The following SMUG1 variants were observed in gnomAD, a reference collection of about 807,000 sequenced individuals.
SMUG1 encodes single-strand selective monofunctional uracil DNA glycosylase.
In SMUG1, 13 loss-of-function variants were observed where a neutral mutation model predicts 23.9. That is an observed-to-expected ratio of 0.54 (90% CI 0.35 to 0.86). The LOEUF (loss-of-function observed/expected upper bound fraction) is 0.86. Ranked by LOEUF, SMUG1 falls within the 40% of genes least tolerant of loss-of-function variation. The pLI, the probability that SMUG1 is intolerant of heterozygous loss-of-function variation, is 0.01. For missense variants in SMUG1, 313 were observed against 339.5 expected, an observed-to-expected ratio of 0.92 and a Z score of 0.61; for synonymous variants, 133 against 139.8, an observed-to-expected ratio of 0.95 and a Z score of 0.34.
At chr12:54,187,333 A>C (rs1001037452) in intron 2 of SMUG1, 2 of 152,220 alleles carry the variant, frequency 1.3e-5, no homozygotes, top group African/African-American at 4.8e-5. Flanking sequence ...CAGAGGCCCA[A>C]CTTAGGAAGT....
chr12:54,181,366 A>G lies in SMUG1; in HGVS notation c.*730T>C, dbSNP rs1235803272. On this transcript the variant is annotated 3_prime_UTR_variant, in exon 4 of 4. Transcript: ENST00000682136. ...AAGAAAACAAGAAGACTATGTAATG[A>G]GCACCCACATGCCAAGCCCATGCAA... is the stretch of plus-strand genomic sequence containing the variant. 4 of 609,152 alleles carry G rather than the reference A, an allele frequency of 6.6e-6. No individual in the cohort carries two copies. Among genetic ancestry groups the G allele is most frequent in the Non-Finnish European group, 1.2e-5 (4 of 345,200 alleles). 37.7% of individuals were successfully genotyped at this position (609,152 alleles called of 1,614,324 possible).
downstream of SMUG1, among the ~76,000 whole-genome samples, chr12:54,159,875 T>C (rs112479626): frequency 4.7e-3 from 712 of 152,340 alleles, 9 homozygotes; most frequent in Middle Eastern, 0.02. Context: ...GTGTTTTGCA[T>C]ACTTGCACTG....
downstream of SMUG1, among the ~76,000 whole-genome samples, chr12:54,176,678 G>GTCACA (rs1565805817): frequency 6.6e-6 from 1 of 150,846 alleles, no homozygotes; most frequent in Non-Finnish European, 1.5e-5. Flanking sequence ...GTGGTAGCGG[G>GTCACA]CGCCTGTAGT....
At chr12:54,179,360 A>G (rs1463901111), downstream of SMUG1, among the ~76,000 whole-genome samples, 1 of 152,074 alleles carries the variant, frequency 6.6e-6, no homozygotes, top group Non-Finnish European at 1.5e-5. Context: ...AAGTTATCCA[A>G]AACTTTCCCA....
chr12:54,182,287 G>A lies in SMUG1; in HGVS notation c.622C>T (p.Arg208Trp), dbSNP rs201387067. 61 of 1,612,120 alleles carry A rather than the reference G, an allele frequency of 3.8e-5. No homozygotes were observed. The highest frequency in any genetic ancestry group is 4.8e-5 in the Non-Finnish European group (57 of 1,178,988). Residue 208 changes from arginine to tryptophan, a missense_variant, in exon 4 of 4, where the codon CGG becomes TGG. Physicochemically the swap from Arg to Trp is moderately radical, Grantham distance 101 (BLOSUM62 -3). Coordinates refer to ENST00000682136, the MANE Select transcript of SMUG1 (RefSeq NM_001243787.2). ...LCRQVQLLGV[R>W]LVVGVGRLAE... ...AGTCGCCCAACTCCCACCACCAGCC[G>A]CACCCCCAGCAGCTGCACCTGCCGG... is the stretch of plus-strand genomic sequence containing the variant.
At chr12:54,165,090 A>G (rs1940403386) in intron 4 of SMUG1, 1 of 152,060 alleles carries the variant, frequency 6.6e-6, no homozygotes, top group African/African-American at 2.4e-5. Flanking sequence ...TTCCCTTGCC[A>G]AGCTCTTTCT....
downstream of SMUG1, among the ~76,000 whole-genome samples, chr12:54,160,616 C>T (rs1373416384): frequency 6.6e-6 from 1 of 152,216 alleles, no homozygotes; most frequent in Non-Finnish European, 1.5e-5. Flanking sequence ...CTCCATCCAC[C>T]ACCTCTCCTT....
downstream of SMUG1, among the ~76,000 whole-genome samples, chr12:54,164,096 G>A (rs1310126736): frequency 1.3e-5 from 2 of 152,116 alleles, no homozygotes; most frequent in African/African-American, 4.8e-5. Flanking sequence ...AGGAATGCAA[G>A]AGCAAGACAG....
chr12:54,167,845 C>T (rs1054861765), intron 3 of SMUG1, among the ~76,000 whole-genome samples: 1 of 152,214 alleles, frequency 6.6e-6, no homozygotes, highest in African/African-American at 2.4e-5. Context: ...CTCCATCCTC[C>T]TCTAAAGCCA....
At chr12:54,166,061 G>T (rs1940451335) in intron 3 of SMUG1, among the ~76,000 whole-genome samples, 1 of 152,202 alleles carries the variant, frequency 6.6e-6, no homozygotes, top group Non-Finnish European at 1.5e-5. Context: ...GAGCAGTGAG[G>T]AATATAAAAG....
rs775286829 is a variant in SMUG1, at chr12:54,183,960, C to T, written c.-19-1G>A. ...GGGCATATGTCCATGCCGCTGTCAC[C>T]TGGGAAAAGAGATGGACAGAAGCCC... On this transcript the variant is annotated splice_acceptor_variant, in intron 2 of 3. Coordinates refer to ENST00000682136, the MANE Select transcript of SMUG1 (RefSeq NM_001243787.2). LOFTEE classifies it low-confidence loss of function (5UTR_SPLICE). The T allele has an allele frequency of 2.0e-6, 3 of 1,503,654 alleles. No individual in the cohort carries two copies. Among genetic ancestry groups the T allele is most frequent in the Non-Finnish European group, 2.7e-6 (3 of 1,128,626 alleles). The allele number at this position is 1,503,654 out of a possible 1,614,324, so 93.1% of individuals were successfully genotyped here.
chr12:54,182,097 C>A lies in SMUG1; in HGVS notation c.812G>T (p.Ter271LeuextTer45). ...TCCCATGCAAGGCCCCAAGGGCACT[C>A]ATTTCAACAGCAGTGGCAGCAGCCC... ...ELGLLPLLLK[*>L] The change falls in exon 4 of 4, where the codon TGA becomes TTA. Residue 271 changes from the stop codon to leucine (L), a stop_lost. Coordinates refer to ENST00000682136, the MANE Select transcript of SMUG1 (RefSeq NM_001243787.2). 1.3e-6 allele frequency: 2 copies of A among 1,535,834 alleles called. No homozygotes were observed. Among genetic ancestry groups the A allele is most frequent in the South Asian group, 1.3e-5 (1 of 77,756 alleles).
chr12:54,181,825 A>G lies in SMUG1; in HGVS notation c.*271T>C. 1.4e-6 allele frequency: 2 copies of G among 1,424,954 alleles called. No individual in the cohort carries two copies. Among genetic ancestry groups the G allele is most frequent in the Non-Finnish European group, 1.8e-6 (2 of 1,095,040 alleles). 88.3% of individuals were successfully genotyped at this position (1,424,954 alleles called of 1,614,324 possible). ...TAGAGCAGTCTGCAAGTGCAAAAGCACACCTTCTGCAGATTCCCTACAAAG... is the reference window on the plus strand; with the variant it reads ...TAGAGCAGTCTGCAAGTGCAAAAGCGCACCTTCTGCAGATTCCCTACAAAG... On this transcript the variant is annotated 3_prime_UTR_variant, in exon 4 of 4. Coordinates refer to ENST00000682136, the MANE Select transcript of SMUG1 (RefSeq NM_001243787.2).
At chr12:54,177,331 C>T (rs1289079932), downstream of SMUG1, among the ~76,000 whole-genome samples, 2 of 152,224 alleles carry the variant, frequency 1.3e-5, no homozygotes, top group East Asian at 1.9e-4. Flanking sequence ...CCGGTTAATT[C>T]GGATTCACTG....
chr12:54,167,657 A>G (rs2136537421), intron 3 of SMUG1, among the ~76,000 whole-genome samples: 1 of 152,264 alleles, frequency 6.6e-6, no homozygotes, highest in East Asian at 1.9e-4. Flanking sequence ...AGCCCTCCTT[A>G]ATGCAGAACC....
At chr12:54,170,358 G>A (rs1940584823) in intron 3 of SMUG1, among the ~76,000 whole-genome samples, 1 of 152,136 alleles carries the variant, frequency 6.6e-6, no homozygotes, top group Admixed American at 6.5e-5. Flanking sequence ...GTCCCTGTAG[G>A]TTCTTGAGCA....
intron 3 of SMUG1, among the ~76,000 whole-genome samples, chr12:54,168,770 G>T (rs951660711): frequency 6.6e-6 from 1 of 152,096 alleles, no homozygotes; most frequent in Non-Finnish European, 1.5e-5. Context: ...TTTGACTGAA[G>T]AATCTCTCAA....
At chr12:54,172,366 A>G (rs1940643757) in intron 2 of SMUG1, 1 of 261,026 alleles carries the variant, frequency 3.8e-6, no homozygotes. Flanking sequence ...CTTAGCCGGG[A>G]AACTCTTACC....
At chr12:54,178,728 CTT>C (rs1940812676), downstream of SMUG1, among the ~76,000 whole-genome samples, 1 of 152,238 alleles carries the variant, frequency 6.6e-6, no homozygotes, top group African/African-American at 2.4e-5. Context: ...ACCTCTTCAT[CTT>C]TTTCTCCAAA....
Sources: gnomAD v4.1 joint callset for allele counts (sites outside exome capture counted in the v4.1 genomes callset) on GRCh38, gnomAD v4.1.1 for gene constraint, MANE v1.5 for transcripts, NCBI Gene and HGNC (gene_info 2026-07-23, HGNC 2026-07-21) for gene names.